CFDP1: variants seen among roughly 807,000 people sequenced by gnomAD.
CFDP1 encodes chromatin remodeling protein CFDP1.
Under a neutral mutation model 40.1 loss-of-function variants are expected in CFDP1, and 31 were observed. The observed-to-expected ratio is 0.77, with a 90% confidence interval of 0.58 to 1.04. The LOEUF is 1.04. CFDP1 is among the 50% of genes least tolerant of loss of function. CFDP1 has a pLI of 0.00. For missense variants in CFDP1, 423 were observed against 343.4 expected (o/e 1.23, Z -1.83); for synonymous variants, 167 against 120.0 (o/e 1.39, Z -2.56).
chr16:75,391,004 TTTC>T (rs2078944774), intron 5 of CFDP1, among the ~76,000 whole-genome samples: 2 of 152,250 alleles, frequency 1.3e-5, no homozygotes, highest in Admixed American at 6.5e-5. Context: ...TCTCAGCAGA[TTTC>T]TTATTCTAAA....
At chr16:75,424,016 A>T (rs2079307618) in intron 1 of CFDP1, among the ~76,000 whole-genome samples, 1 of 152,234 alleles carries the variant, frequency 6.6e-6, no homozygotes, top group South Asian at 2.1e-4. Flanking sequence ...GTCTGTCAGA[A>T]ATTTGAAAAT....
intron 1 of CFDP1, among the ~76,000 whole-genome samples, chr16:75,424,967 G>A (rs2079320365): frequency 6.6e-6 from 1 of 152,016 alleles, no homozygotes; most frequent in African/African-American, 2.4e-5. Context: ...AAAACCTCCA[G>A]AACTGGTAAA....
intron 5 of CFDP1, among the ~76,000 whole-genome samples, chr16:75,364,426 A>AC (rs2078700208): frequency 6.6e-6 from 1 of 152,064 alleles, no homozygotes; most frequent in South Asian, 2.1e-4. Context: ...GAGATGGGAG[A>AC]TTTTTTTCAG....
intron 2 of CFDP1, among the ~76,000 whole-genome samples, chr16:75,413,397 A>G (rs1373151606): frequency 2.6e-5 from 4 of 151,976 alleles, no homozygotes; most frequent in Non-Finnish European, 5.9e-5. Context: ...TTTCATCACA[A>G]CAAGATGAGA....
chr16:75,332,782 C>T (rs2078455569), intron 5 of CFDP1, among the ~76,000 whole-genome samples: 1 of 146,976 alleles, frequency 6.8e-6, no homozygotes, highest in South Asian at 2.2e-4. Flanking sequence ...CTGTCTGTGG[C>T]TTGCCTATTC....
chr16:75,392,438 A>AC (rs989724833), intron 5 of CFDP1, among the ~76,000 whole-genome samples: 6 of 151,890 alleles, frequency 4.0e-5, no homozygotes, highest in African/African-American at 1.2e-4. Flanking sequence ...ACAAAAAAAA[A>AC]CAGCTTGTTA....
intron 5 of CFDP1, among the ~76,000 whole-genome samples, chr16:75,392,144 G>A (rs1293751872): frequency 6.6e-6 from 1 of 151,700 alleles, no homozygotes; most frequent in Non-Finnish European, 1.5e-5. Flanking sequence ...AGTGGCTCAT[G>A]CCTGTAATGC....
rs1166280047 is a variant in CFDP1, at chr16:75,412,739, A to G, written c.198T>C (p.Gly66=). The change falls in exon 3 of 7, where the codon GGT becomes GGC. Residue 66 remains glycine, a synonymous_variant. Coordinates refer to ENST00000283882, the MANE Select transcript of CFDP1 (RefSeq NM_006324.3). ...QSIPARKRRQ[G]GLSLEEEEEE... ...CTTCCTCTTCTTCTAATGAGAGGCC[A>G]CCTTGTCTTCTCTTCCTAATCACCA... The G allele has an allele frequency of 5.0e-6, 8 of 1,612,978 alleles. No individual in the cohort carries two copies. The highest frequency in any genetic ancestry group is 2.2e-5 in the East Asian group (1 of 44,888).
Position 75,412,417 on chromosome 16 carries a change from G to C in CFDP1, c.402+118C>G. The C allele has an allele frequency of 6.3e-6, 5 of 795,460 alleles. No individual in the cohort carries two copies. The South Asian group carries it at 8.2e-5, about 13-fold the overall frequency. The allele number at this position is 795,460 out of a possible 1,614,324, so 49.3% of individuals were successfully genotyped here. On this transcript the variant is annotated intron_variant, in intron 3 of 6. Transcript: ENST00000283882. ...ATTCTCCTACCACAGGAAATGCTTT[G>C]CTTTTCACTTAGTACAATTGTTATC...
At chr16:75,399,076 A>G (rs12935652) in intron 4 of CFDP1, among the ~76,000 whole-genome samples, 29,416 of 148,518 alleles carry the variant, frequency 0.2, 3,221 homozygotes, top group African/African-American at 0.26. Flanking sequence ...AAAAAAAAAA[A>G]AAAGAAAACC....
chr16:75,311,517 C>T (rs1371793240), intron 5 of CFDP1, among the ~76,000 whole-genome samples: 2 of 152,108 alleles, frequency 1.3e-5, no homozygotes, highest in Non-Finnish European at 2.9e-5. Flanking sequence ...ACAAAATATT[C>T]AACACTACAC....
At chr16:75,327,399 G>C (rs2078410222) in intron 5 of CFDP1, among the ~76,000 whole-genome samples, 1 of 152,174 alleles carries the variant, frequency 6.6e-6, no homozygotes, top group Non-Finnish European at 1.5e-5. Context: ...AGAACAAAGA[G>C]CCCAGACTTG....
chr16:75,371,576 C>A (rs930822218), intron 5 of CFDP1, among the ~76,000 whole-genome samples: 1 of 152,150 alleles, frequency 6.6e-6, no homozygotes, highest in African/African-American at 2.4e-5. Flanking sequence ...CTAATTCAGG[C>A]TCTTTTCTAA....
At chr16:75,326,006 A>G (rs896380340) in intron 5 of CFDP1, among the ~76,000 whole-genome samples, 5 of 152,368 alleles carry the variant, frequency 3.3e-5, no homozygotes, top group African/African-American at 1.2e-4. Flanking sequence ...TACAGGGTTT[A>G]AGATATCTTA....
At chr16:75,412,468 G>C in intron 3 of CFDP1, 67 bp downstream of exon 3, 1 of 1,236,290 alleles carries the variant, frequency 8.1e-7, no homozygotes, top group Non-Finnish European at 1.2e-6. Context: ...GATTTCCGTA[G>C]GCTTCAAATC....
chr16:75,299,423 T>TA (rs2078206313), intron 6 of CFDP1, among the ~76,000 whole-genome samples: 1 of 78,648 alleles, frequency 1.3e-5, no homozygotes, highest in Admixed American at 1.8e-4. Flanking sequence ...CCATCTCTAC[T>TA]TAAAAAAAAA....
chr16:75,390,784 C>G (rs889637073), intron 5 of CFDP1, among the ~76,000 whole-genome samples: 1 of 152,206 alleles, frequency 6.6e-6, no homozygotes, highest in South Asian at 2.1e-4. Flanking sequence ...GTCAGGAGGT[C>G]CATTCCACCT....
chr16:75,304,313 C>A (rs952200768), intron 6 of CFDP1, among the ~76,000 whole-genome samples: 1 of 152,154 alleles, frequency 6.6e-6, no homozygotes, highest in African/African-American at 2.4e-5. Flanking sequence ...AGTGATCTGC[C>A]CGCCTCGGCC....
intron 5 of CFDP1, among the ~76,000 whole-genome samples, chr16:75,314,297 TG>T (rs1225128289): frequency 6.6e-6 from 1 of 152,144 alleles, no homozygotes; most frequent in Admixed American, 6.5e-5. Context: ...TACCAATACA[TG>T]GAAGTACCAA....
Sources: allele counts gnomAD v4.1 joint callset (sites outside exome capture counted in the v4.1 genomes callset), GRCh38; gene constraint gnomAD v4.1.1; transcripts MANE v1.5; gene names NCBI Gene and HGNC (gene_info 2026-07-23, HGNC 2026-07-21).